The following ATP10D variants were observed in gnomAD, a reference collection of about 807,000 sequenced individuals.
ATP10D encodes the protein ATPase phospholipid transporting 10D (putative).
ATP10D carries 89 observed loss-of-function variants against 144.8 expected under a neutral mutation model. The ratio of observed to expected loss-of-function variants is 0.61; its 90% CI spans 0.52 to 0.73. ATP10D has a LOEUF of 0.73. ATP10D is among the 30% of genes least tolerant of loss of function. ATP10D has a pLI of 0.00. For missense variants in ATP10D, 1,603 were observed against 1,714.8 expected, an observed-to-expected ratio of 0.93 and a Z score of 1.15; for synonymous variants, 571 against 615.1, an observed-to-expected ratio of 0.93 and a Z score of 1.06.
intron 21 of ATP10D, among the ~76,000 whole-genome samples, chr4:47,585,343 T>TC (rs1347270026): frequency 6.6e-6 from 1 of 152,082 alleles, no homozygotes; most frequent in African/African-American, 2.4e-5. Context: ...AATTTAAATC[T>TC]TTTTTTATTT....
At chr4:47,551,774 A>G (rs544808766) in intron 10 of ATP10D, among the ~76,000 whole-genome samples, 16 of 152,334 alleles carry the variant, frequency 1.1e-4, no homozygotes, top group Admixed American at 1.0e-3. Flanking sequence ...GCCACCCATC[A>G]CTGACAAGAG....
chr4:47,577,513 A>G (rs1440211184), intron 19 of ATP10D, among the ~76,000 whole-genome samples: 1 of 150,594 alleles, frequency 6.6e-6, no homozygotes, highest in African/African-American at 2.4e-5. Context: ...TCTTTATGGG[A>G]ATGAAGTGAG....
At chr4:47,503,226 A>G (rs563773198) in intron 1 of ATP10D, among the ~76,000 whole-genome samples, 6 of 152,252 alleles carry the variant, frequency 3.9e-5, no homozygotes, top group Non-Finnish European at 8.8e-5. Flanking sequence ...TAAAAATAAA[A>G]TAAAATAAAA....
intron 1 of ATP10D, among the ~76,000 whole-genome samples, chr4:47,492,424 T>A (rs1174718230): frequency 6.6e-6 from 1 of 152,190 alleles, no homozygotes; most frequent in African/African-American, 2.4e-5. Context: ...ATTATTGGGA[T>A]CGGGTATTTA....
intron 13 of ATP10D, 128 bp from the exon 14 acceptor site, chr4:47,560,821 A>G (rs1223026399): frequency 3.4e-6 from 4 of 1,184,130 alleles, no homozygotes; most frequent in Non-Finnish European, 4.9e-6. Context: ...TGGATCTGAC[A>G]TGGCTGTGCC....
intron 1 of ATP10D, among the ~76,000 whole-genome samples, chr4:47,511,743 G>A (rs1716338377): frequency 6.6e-6 from 1 of 152,150 alleles, no homozygotes; most frequent in South Asian, 2.1e-4. Flanking sequence ...ATTCTAATTT[G>A]TGCCTTCTGG....
intron 9 of ATP10D, among the ~76,000 whole-genome samples, chr4:47,540,497 T>C (rs1577663557): frequency 6.6e-6 from 1 of 152,134 alleles, no homozygotes; most frequent in Non-Finnish European, 1.5e-5. Flanking sequence ...ATTAAAATTT[T>C]AACAAGCCAC....
chr4:47,502,340 G>C (rs186319699), intron 1 of ATP10D, among the ~76,000 whole-genome samples: 1 of 151,930 alleles, frequency 6.6e-6, no homozygotes, highest in Admixed American at 6.6e-5. Context: ...GCGTGGTGGC[G>C]GGCGCCTGTA....
chr4:47,521,659 T>C (rs1716951320), intron 3 of ATP10D, among the ~76,000 whole-genome samples: 1 of 152,206 alleles, frequency 6.6e-6, no homozygotes, highest in African/African-American at 2.4e-5. Context: ...ATGAAATTCC[T>C]ACTCCTAGAT....
chr4:47,529,870 C>T (rs1033937939), intron 5 of ATP10D, among the ~76,000 whole-genome samples: 16 of 151,916 alleles, frequency 1.1e-4, no homozygotes, highest in East Asian at 1.9e-4. Flanking sequence ...CTTGGTTAAA[C>T]GTATTTCTAA....
At chr4:47,571,667 A>G (rs890772365) in intron 16 of ATP10D, among the ~76,000 whole-genome samples, 1 of 152,128 alleles carries the variant, frequency 6.6e-6, no homozygotes, top group Non-Finnish European at 1.5e-5. Context: ...CAACCATGAT[A>G]CTGTGTGATA....
At chr4:47,559,133 A>G in intron 13 of ATP10D, 104 bp downstream of exon 13, 3 of 787,346 alleles carry the variant, frequency 3.8e-6, no homozygotes, top group East Asian at 5.3e-5. Flanking sequence ...TGCTGGGGAA[A>G]GTCCCCTGGA....
In ATP10D at chr4:47,485,429, C is replaced by T. The variant is rs1303320689; in HGVS notation, c.-128C>T. On this transcript the variant is annotated 5_prime_UTR_variant, in exon 1 of 23. Coordinates refer to ENST00000273859, the MANE Select transcript of ATP10D (RefSeq NM_020453.4). ...AAATGGCTGGCGTGGAAGCACAACC[C>T]GCTTTCACTCTTCGAATTTGTGCTT... 6.6e-6 allele frequency: 1 copy of T among 152,074 alleles called. No homozygotes were observed. Among genetic ancestry groups the T allele is most frequent in the East Asian group, 1.9e-4 (1 of 5,182 alleles). 9.4% of individuals were successfully genotyped at this position (152,074 alleles called of 1,614,324 possible).
chr4:47,506,192 A>G (rs542766902), intron 1 of ATP10D, among the ~76,000 whole-genome samples: 3 of 152,350 alleles, frequency 2.0e-5, no homozygotes, highest in East Asian at 3.9e-4. Flanking sequence ...AAAATTTTAT[A>G]TATTAATCGC....
chr4:47,523,199 C>A lies in ATP10D; in HGVS notation c.673C>A (p.Arg225=), dbSNP rs192815760. ...ESNLKQRQVV[R]GYAEQDSEVD... is the part of the protein sequence containing the mutation. ...CAATTTAAAACAGAGGCAGGTGGTT[C>A]GGGGATATGCAGAACAGGTAAGTCA... Residue 225 remains arginine (R), a synonymous_variant, in exon 4 of 23, where the codon CGG becomes AGG. Coordinates refer to ENST00000273859, the MANE Select transcript of ATP10D (RefSeq NM_020453.4). The A allele has an allele frequency of 6.2e-7, 1 of 1,613,568 alleles. No individual in the cohort carries two copies. Among genetic ancestry groups the A allele is most frequent in the Admixed American group, 1.7e-5 (1 of 59,964 alleles).
rs767338156 is a variant in ATP10D at position 47,535,623 on chromosome 4, A to G, written c.883+8A>G. 8 of 1,600,198 alleles carry G rather than the reference A, an allele frequency of 5.0e-6. No individual in the cohort carries two copies. Among genetic ancestry groups the G allele is most frequent in the African/African-American group, 2.7e-5 (2 of 74,042 alleles). On this transcript the variant is annotated splice_region_variant and intron_variant, in intron 6 of 22. Coordinates refer to ENST00000273859, the MANE Select transcript of ATP10D (RefSeq NM_020453.4). ...GCATTGTGGTTTATGCAGGTCGGTT[A>G]TGTTTCTAATTTTCATTGTCTACTC...
At position 47,553,649 on chromosome 4, in the gene ATP10D, A is replaced by G. The variant is rs2109442718; in HGVS notation, c.1636-1077A>G. Among the ~76,000 whole-genome samples the G allele has an allele frequency of 1.3e-5, 2 of 152,350 alleles. 1 individual carries two copies. Among genetic ancestry groups the G allele is most frequent in the South Asian group, 4.1e-4 (2 of 4,830 alleles). ...TAGGTAGAAGAGGAAAAGGAGGTTAAGTAAGCTGCCCAAGACCTCCAGTTA... is the reference window on the plus strand; with the variant it reads ...TAGGTAGAAGAGGAAAAGGAGGTTAGGTAAGCTGCCCAAGACCTCCAGTTA... On this transcript the variant is annotated intron_variant, in intron 10 of 22. Transcript: ENST00000273859.
Position 47,591,823 on chromosome 4 carries a change from G to GA in ATP10D, c.*448dup. ...TTGGTTAGGACTCAGAGGAAATACG[G>GA]AAAAAACATTGTAGATGGTTAATTT... On this transcript the variant is annotated 3_prime_UTR_variant, in exon 23 of 23. Coordinates refer to ENST00000273859, the MANE Select transcript of ATP10D (RefSeq NM_020453.4). 6.5e-6 allele frequency: 1 copy of GA among 152,710 alleles called. No homozygotes were observed. Among genetic ancestry groups the GA allele is most frequent in the East Asian group, 1.9e-4 (1 of 5,196 alleles). The allele number at this position is 152,710 out of a possible 1,614,324, so 9.5% of individuals were successfully genotyped here.
intron 1 of ATP10D, among the ~76,000 whole-genome samples, chr4:47,504,025 T>C (rs966277041): frequency 1.3e-5 from 2 of 152,228 alleles, no homozygotes; most frequent in Non-Finnish European, 1.5e-5. Flanking sequence ...TATGTACTCC[T>C]ACTGGGGATT....
Sources: allele counts gnomAD v4.1 joint callset (sites outside exome capture counted in the v4.1 genomes callset), GRCh38; gene constraint gnomAD v4.1.1; transcripts MANE v1.5; gene names NCBI Gene and HGNC (gene_info 2026-07-23, HGNC 2026-07-21).